Variants in GPC1 observed in about 807,000 individuals in gnomAD.
The protein encoded by GPC1 is glypican-1.
Under a neutral mutation model 51.5 loss-of-function variants are expected in GPC1, and 26 were observed. The observed-to-expected ratio is 0.50, with a 90% CI of 0.37 to 0.70. The LOEUF (loss-of-function observed/expected upper bound fraction) is 0.70. Ranked by LOEUF, GPC1 falls within the 30% of genes least tolerant of loss-of-function variation. The pLI is 0.00. For synonymous variants in GPC1, 380 were observed against 348.3 expected, an observed-to-expected ratio of 1.09 and a Z score of -1.01; for missense variants, 775 against 800.5, an observed-to-expected ratio of 0.97 and a Z score of 0.38.
intron 1 of GPC1, 142 bp downstream of exon 1, chr2:240,436,226 C>A: frequency 2.1e-6 from 1 of 471,854 alleles, no homozygotes; most frequent in Non-Finnish European, 3.4e-6. Context: ...TGGCTCCCTG[C>A]GCTGCGGCTC....
At chr2:240,453,313 CA>C (rs1372099687) in intron 1 of GPC1, among the ~76,000 whole-genome samples, 2 of 10,068 alleles carry the variant, frequency 2.0e-4, no homozygotes. Context: ...GCCCCGCTCC[CA>C]CCGCCCGCCC....
At position 240,442,765 on chromosome 2, in the gene GPC1, C is replaced by G. The variant is rs138961945; in HGVS notation, c.166+6681C>G. On this transcript the variant is annotated intron_variant, in intron 1 of 8. Coordinates refer to ENST00000264039, the MANE Select transcript of GPC1 (RefSeq NM_002081.3). ...CCCAGCCCGGCACACCTACATCTTC[C>G]CATCAGGTGGCAAAGACCCCGAGGC... is the stretch of plus-strand genomic sequence containing the variant. Among the ~76,000 whole-genome samples, 56 of 152,348 alleles carry G rather than the reference C, an allele frequency of 3.7e-4. No homozygotes were observed. The East Asian group carries it at 8.9e-3, about 24-fold the overall frequency.
At chr2:240,450,216 G>A (rs1403773113) in intron 1 of GPC1, 3 of 322,012 alleles carry the variant, frequency 9.3e-6, no homozygotes, top group East Asian at 1.7e-4. Flanking sequence ...GGGCAGGCAG[G>A]CAGAGGTGCC....
chr2:240,442,808 T>A (rs951021362), intron 1 of GPC1, among the ~76,000 whole-genome samples: 1 of 152,214 alleles, frequency 6.6e-6, no homozygotes, highest in Non-Finnish European at 1.5e-5. Flanking sequence ...GTTTTGTGAT[T>A]GTGGCCTCCT....
At chr2:240,438,849 A>AAGGAAGT (rs1325399152) in intron 1 of GPC1, among the ~76,000 whole-genome samples, 1 of 152,186 alleles carries the variant, frequency 6.6e-6, no homozygotes, top group African/African-American at 2.4e-5. Context: ...GCAAGGAAGC[A>AAGGAAGT]GGCCTGGGTG....
chr2:240,450,870 TC>T (rs2074092958), intron 1 of GPC1: 1 of 441,660 alleles, frequency 2.3e-6, no homozygotes. Context: ...AGAGGTTCCC[TC>T]TGGAAGGAGC....
chr2:240,446,340 G>C (rs118151125), intron 1 of GPC1, among the ~76,000 whole-genome samples: 3 of 152,254 alleles, frequency 2.0e-5, no homozygotes, highest in Admixed American at 2.0e-4. Context: ...GTGCTGAAAC[G>C]CAGCTGCAGA....
intron 1 of GPC1, chr2:240,451,569 TG>T: frequency 7.3e-6 from 2 of 274,796 alleles, no homozygotes; most frequent in Non-Finnish European, 1.4e-5. Flanking sequence ...GAGCCAGGCC[TG>T]GGGGCACGGC....
chr2:240,451,198 G>C (rs1477739360), intron 1 of GPC1: 1 of 471,178 alleles, frequency 2.1e-6, no homozygotes. Context: ...TTTGCTCTGG[G>C]ATCCGGCCCA....
In GPC1 at chr2:240,460,140, A is replaced by G. The variant is rs914703559; in HGVS notation, c.325+952A>G. Among the ~76,000 whole-genome samples the G allele has an allele frequency of 3.3e-5, 5 of 151,926 alleles. No individual in the cohort carries two copies. The East Asian group carries it at 5.8e-4, about 18-fold the overall frequency. ...AGTCTGCCTGTCCCCAGGAGCCCCC[A>G]AGGCCATTTCCACAGGGCTGTGGGA... On this transcript the variant is annotated intron_variant, in intron 2 of 8. Coordinates refer to ENST00000264039, the MANE Select transcript of GPC1 (RefSeq NM_002081.3).
At chr2:240,442,715 A>G (rs1484579221) in intron 1 of GPC1, among the ~76,000 whole-genome samples, 3 of 152,186 alleles carry the variant, frequency 2.0e-5, no homozygotes, top group Non-Finnish European at 4.4e-5. Flanking sequence ...TTGGGGGTAC[A>G]GTTTAGCCTG....
chr2:240,455,406 C>T (rs2074149158), intron 1 of GPC1, among the ~76,000 whole-genome samples: 1 of 152,180 alleles, frequency 6.6e-6, no homozygotes, highest in African/African-American at 2.4e-5. Context: ...GTGACCTTGA[C>T]CTGAGCAGCC....
chr2:240,461,029 A>G (rs2074210589), intron 2 of GPC1, among the ~76,000 whole-genome samples: 1 of 151,198 alleles, frequency 6.6e-6, no homozygotes, highest in Non-Finnish European at 1.5e-5. Context: ...GGGTTCTGGC[A>G]GGAGGTAGAG....
chr2:240,450,613 T>C (rs2074089260), intron 1 of GPC1: 2 of 470,756 alleles, frequency 4.2e-6, no homozygotes, highest in South Asian at 1.5e-5. Context: ...GCCCTCACCA[T>C]GTGTGACCTC....
At chr2:240,444,773 C>G (rs2074038913) in intron 1 of GPC1, among the ~76,000 whole-genome samples, 1 of 152,216 alleles carries the variant, frequency 6.6e-6, no homozygotes, top group South Asian at 2.1e-4. Flanking sequence ...CCACCCGTGT[C>G]TGGCGCATCC....
intron 1 of GPC1, among the ~76,000 whole-genome samples, chr2:240,454,003 G>A (rs1187844107): frequency 2.6e-5 from 4 of 152,290 alleles, no homozygotes; most frequent in Admixed American, 2.6e-4. Context: ...AGTGCGCGGC[G>A]GAGGTTCTGC....
intron 3 of GPC1, among the ~76,000 whole-genome samples, chr2:240,462,993 C>T (rs1321726075): frequency 6.6e-6 from 1 of 152,182 alleles, no homozygotes; most frequent in Non-Finnish European, 1.5e-5. Context: ...TTGCGGGGCA[C>T]GTGTCAGACC....
At position 240,459,070 on chromosome 2, in the gene GPC1, C is replaced by T. The variant is rs1175946431; in HGVS notation, c.207C>T (p.Cys69=). The T allele has an allele frequency of 6.2e-6, 10 of 1,612,894 alleles. No individual in the cohort carries two copies. In the East Asian group the frequency reaches 2.0e-4, roughly 32 times the overall value. ...TCTGTCCCCAGGGCTACACCTGCTG[C>T]ACCAGCGAGATGGAGGAGAACCTGG... ...LRICPQGYTC[C]TSEMEENLAN... Residue 69 remains cysteine (C), a synonymous_variant, in exon 2 of 9, where the codon TGC becomes TGT. Transcript: ENST00000264039.
rs774636907 is a variant in GPC1, at chr2:240,465,209, C to T, written c.1267C>T (p.Arg423Trp). Residue 423 changes from arginine to tryptophan, a missense_variant and splice_region_variant, in exon 7 of 9, where the codon CGG (arginine) becomes TGG (tryptophan). By Grantham distance (101) the Arg-to-Trp change is moderately radical. Transcript: ENST00000264039. ...CTGCTGGAACGGGATGGCCAGAGGC[C>T]GGTAGGTGCCCACCTGGCTGGCACA... ...DRCWNGMARG[R>W]YLPEVMGDGL... 28 of 1,604,012 alleles carry T rather than the reference C, an allele frequency of 1.7e-5. No homozygotes were observed. Among genetic ancestry groups the T allele is most frequent in the Middle Eastern group, 1.7e-4 (1 of 6,038 alleles).
Sources: allele counts gnomAD v4.1 joint callset (sites outside exome capture counted in the v4.1 genomes callset), GRCh38; gene constraint gnomAD v4.1.1; transcripts MANE v1.5; gene names NCBI Gene and HGNC (gene_info 2026-07-23, HGNC 2026-07-21).